Variants in DDAH1 observed in about 807,000 individuals in gnomAD.
DDAH1 encodes N(G),N(G)-dimethylarginine dimethylaminohydrolase 1.
Under a neutral mutation model 28.8 loss-of-function variants are expected in DDAH1, and 19 were observed. The ratio of observed to expected loss-of-function variants is 0.66; its 90% CI spans 0.46 to 0.97. The LOEUF is 0.97. Ranked by LOEUF, DDAH1 falls within the 50% of genes least tolerant of loss-of-function variation. The probability of loss-of-function intolerance (pLI) is 0.00; values close to 1 mark genes in which losing one functional copy is unlikely to be tolerated. For missense variants in DDAH1, 326 were observed against 375.9 expected, an observed-to-expected ratio of 0.87 and a Z score of 1.10; for synonymous variants, 153 against 154.4, an observed-to-expected ratio of 0.99 and a Z score of 0.07.
At chr1:85,559,075 T>C (rs562641123) in intron 1 of DDAH1, among the ~76,000 whole-genome samples, 157 of 152,304 alleles carry the variant, frequency 1.0e-3, no homozygotes, top group Non-Finnish European at 2.0e-3. Context: ...AAAGAATTCA[T>C]ACCCCTGACT....
At chr1:85,406,837 A>C (rs190538031) in intron 1 of DDAH1, among the ~76,000 whole-genome samples, 1 of 152,216 alleles carries the variant, frequency 6.6e-6, no homozygotes, top group East Asian at 1.9e-4. Flanking sequence ...GGTAGTTTTA[A>C]ATTTTTATAT....
Position 85,486,152 on chromosome 1 carries a change from A to G in DDAH1, c.-7+10014T>C, listed in dbSNP as rs1368310716. Among the ~76,000 whole-genome samples, 3 of 152,190 alleles carry G rather than the reference A, an allele frequency of 2.0e-5. No individual in the cohort carries two copies. The East Asian group carries it at 5.8e-4, about 29-fold the overall frequency. ...AACTCACTTCTGTGGGGTGATTTTC[A>G]TAGATATGGAACTTACTATCACAAT... On this transcript the variant is annotated intron_variant, in intron 2 of 6. Coordinates refer to the DDAH1 transcript ENST00000426972.
At chr1:85,376,127 T>C (rs1328019475) in intron 1 of DDAH1, among the ~76,000 whole-genome samples, 1 of 152,170 alleles carries the variant, frequency 6.6e-6, no homozygotes, top group Non-Finnish European at 1.5e-5. Flanking sequence ...TAAGTTTGCC[T>C]CTCAAAGCAA....
intron 1 of DDAH1, among the ~76,000 whole-genome samples, chr1:85,391,815 G>A (rs1651563659): frequency 6.6e-6 from 1 of 152,158 alleles, no homozygotes; most frequent in Non-Finnish European, 1.5e-5. Flanking sequence ...GTGCAAACAA[G>A]CAGGACATTG....
Position 85,497,029 on chromosome 1 carries a change from C to T in DDAH1, c.-122-748G>A, listed in dbSNP as rs138044894. ...GTGTTTCTGCTTCATTAATTCAAAA[C>T]AGAAAAAAATAATTCTTATACCAGA... On this transcript the variant is annotated intron_variant, in intron 1 of 6. Coordinates refer to the DDAH1 transcript ENST00000426972. Among the ~76,000 whole-genome samples, 866 of 152,204 alleles carry T rather than the reference C, an allele frequency of 5.7e-3. 52 individuals are homozygous for T. Among genetic ancestry groups the T allele is most frequent in the Admixed American group, 0.054 (828 of 15,276 alleles).
chr1:85,385,026 T>C (rs1233328892), intron 1 of DDAH1, among the ~76,000 whole-genome samples: 3 of 152,256 alleles, frequency 2.0e-5, no homozygotes, highest in Non-Finnish European at 4.4e-5. Context: ...ATTTGGAAGA[T>C]GAGTCTGAAT....
At chr1:85,361,954 T>C (rs1392065077) in intron 1 of DDAH1, among the ~76,000 whole-genome samples, 5 of 152,244 alleles carry the variant, frequency 3.3e-5, no homozygotes, top group Admixed American at 3.3e-4. Context: ...ATAAATATTG[T>C]ATTTTTTATG....
intron 1 of DDAH1, among the ~76,000 whole-genome samples, chr1:85,503,561 CTAT>C (rs1656902259): frequency 2.0e-5 from 3 of 151,934 alleles, no homozygotes; most frequent in Non-Finnish European, 2.9e-5. Flanking sequence ...ATCTATCTAT[CTAT>C]CTATCCATCT....
In DDAH1 at chr1:85,321,065, GAA is replaced by G. The variant is rs550307646; in HGVS notation, c.*385_*386del. 192 of 73,228 alleles carry G rather than the reference GAA, an allele frequency of 2.6e-3. 2 individuals carry two copies. The highest frequency in any genetic ancestry group is 1.0e-2 in the African/African-American group (167 of 16,726). 4.5% of individuals were successfully genotyped at this position (73,228 alleles called of 1,614,324 possible). A position where few individuals can be genotyped will look rare whatever the true frequency, so the allele number is the denominator to read the frequency against. The stretch of plus-strand genomic sequence containing the variant: ...TTCACAGGAACCAAACATGATTCAT[GAA>G]AAAAAAAAAAAAAAAAAGCAAGCTT... On this transcript the variant is annotated 3_prime_UTR_variant, in exon 6 of 6. Coordinates refer to ENST00000284031, the MANE Select transcript of DDAH1 (RefSeq NM_012137.4).
intron 1 of DDAH1, among the ~76,000 whole-genome samples, chr1:85,538,931 C>G (rs1299999612): frequency 6.6e-6 from 1 of 152,016 alleles, no homozygotes; most frequent in Non-Finnish European, 1.5e-5. Flanking sequence ...TTCTGGTCCC[C>G]CTACTTCTTT....
intron 1 of DDAH1, among the ~76,000 whole-genome samples, chr1:85,540,496 CTT>C (rs928570483): frequency 6.6e-6 from 1 of 152,174 alleles, no homozygotes; most frequent in African/African-American, 2.4e-5. Flanking sequence ...TGAAACTACT[CTT>C]TGTATCTTGT....
rs565927953 is a variant in DDAH1, at chr1:85,327,283, C to T, written c.598-2400G>A. Among the ~76,000 whole-genome samples, 9 of 152,328 alleles carry T rather than the reference C, an allele frequency of 5.9e-5. No individual in the cohort carries two copies. The South Asian group carries it at 1.9e-3, about 32-fold the overall frequency. On this transcript the variant is annotated intron_variant, in intron 4 of 5. Transcript: ENST00000284031. The stretch of plus-strand genomic sequence containing the variant: ...GTTGCCACCAGCCGAGATAGTGCCA[C>T]TGCACTCCAGCCTGAGCCACAGATA...
intron 1 of DDAH1, among the ~76,000 whole-genome samples, chr1:85,360,450 A>G (rs757273666): frequency 3.3e-5 from 5 of 152,230 alleles, no homozygotes; most frequent in Non-Finnish European, 7.3e-5. Flanking sequence ...AATATTTACC[A>G]TGACTTGTTG....
chr1:85,445,564 GGT>G (rs1223267536), intron 1 of DDAH1, among the ~76,000 whole-genome samples: 7 of 152,188 alleles, frequency 4.6e-5, no homozygotes, highest in African/African-American at 1.7e-4. Context: ...CTTCCTAAAG[GGT>G]ATATGCTCAA....
At chr1:85,454,056 A>G (rs757962050) in intron 1 of DDAH1, among the ~76,000 whole-genome samples, 4 of 151,834 alleles carry the variant, frequency 2.6e-5, no homozygotes, top group Non-Finnish European at 5.9e-5. Flanking sequence ...CCTGGATGCT[A>G]CTGCTTCCTA....
chr1:85,398,298 G>A (rs1197981831), intron 1 of DDAH1, among the ~76,000 whole-genome samples: 2 of 152,198 alleles, frequency 1.3e-5, no homozygotes. Flanking sequence ...ATAATCAGGT[G>A]AAGTTTAATG....
At chr1:85,548,315 T>C (rs1028993184) in intron 1 of DDAH1, among the ~76,000 whole-genome samples, 1 of 152,178 alleles carries the variant, frequency 6.6e-6, no homozygotes. Context: ...ATTTCAGAGA[T>C]AAGAAACTGA....
intron 1 of DDAH1, among the ~76,000 whole-genome samples, chr1:85,434,697 TTC>T (rs1231769957): frequency 6.6e-6 from 1 of 152,160 alleles, no homozygotes; most frequent in Admixed American, 6.6e-5. Context: ...TGGCCTAATA[TTC>T]TGTTTTAATG....
chr1:85,469,699 G>C (rs922022268), upstream of DDAH1, among the ~76,000 whole-genome samples: 1 of 152,048 alleles, frequency 6.6e-6, no homozygotes, highest in African/African-American at 2.4e-5. Flanking sequence ...GCCTTCCTAG[G>C]TTGACAGACC....
Sources: allele counts gnomAD v4.1 joint callset (sites outside exome capture counted in the v4.1 genomes callset), GRCh38; gene constraint gnomAD v4.1.1; transcripts MANE v1.5; gene names NCBI Gene and HGNC (gene_info 2026-07-23, HGNC 2026-07-21).